The following NALF1 variants were observed in gnomAD, a reference collection of about 807,000 sequenced individuals.
NALF1 encodes NALCN channel auxiliary factor 1.
NALF1 carries 3 observed loss-of-function variants against 48.4 expected under a neutral mutation model. That is an observed-to-expected ratio of 0.06 (90% CI 0.03 to 0.16). NALF1 has a LOEUF of 0.16. NALF1 is among the 10% of genes least tolerant of loss of function. NALF1 has a pLI of 1.00. For synonymous variants in NALF1, 262 were observed against 245.7 expected, an observed-to-expected ratio of 1.07 and a Z score of -0.62; for missense variants, 526 against 571.5, an observed-to-expected ratio of 0.92 and a Z score of 0.81.
At chr13:107,307,008 C>G (rs1040533832) in intron 1 of NALF1, among the ~76,000 whole-genome samples, 6 of 152,214 alleles carry the variant, frequency 3.9e-5, no homozygotes, top group Middle Eastern at 3.4e-3. Flanking sequence ...CACGTTTTTG[C>G]CATGGGAAGT....
chr13:107,700,090 A>T (rs1881784710), intron 1 of NALF1, among the ~76,000 whole-genome samples: 1 of 152,042 alleles, frequency 6.6e-6, no homozygotes, highest in Non-Finnish European at 1.5e-5. Flanking sequence ...AAAGTAATAT[A>T]TAGATTCAAT....
At chr13:107,530,174 G>C (rs1229018012) in intron 1 of NALF1, among the ~76,000 whole-genome samples, 1 of 151,970 alleles carries the variant, frequency 6.6e-6, no homozygotes, top group Non-Finnish European at 1.5e-5. Flanking sequence ...AATGAGGCAG[G>C]CTCAGTCTTA....
At chr13:107,586,505 G>T (rs1878460747) in intron 1 of NALF1, among the ~76,000 whole-genome samples, 1 of 149,352 alleles carries the variant, frequency 6.7e-6, no homozygotes, top group Admixed American at 6.7e-5. Flanking sequence ...TTTTTTAAAG[G>T]CTATTTAAAT....
At chr13:107,380,423 T>G (rs1007234453) in intron 1 of NALF1, among the ~76,000 whole-genome samples, 4 of 152,178 alleles carry the variant, frequency 2.6e-5, no homozygotes, top group Non-Finnish European at 5.9e-5. Context: ...CTTGAACGCT[T>G]TAACCAAGGA....
chr13:107,699,332 G>A (rs1158782581), intron 1 of NALF1, among the ~76,000 whole-genome samples: 1 of 152,046 alleles, frequency 6.6e-6, no homozygotes, highest in African/African-American at 2.4e-5. Flanking sequence ...TGTTTTGATA[G>A]AGAGAAGTAA....
At chr13:107,782,309 C>T (rs1594262621) in intron 1 of NALF1, among the ~76,000 whole-genome samples, 1 of 152,346 alleles carries the variant, frequency 6.6e-6, no homozygotes, top group East Asian at 1.9e-4. Flanking sequence ...CCAGCCTCGG[C>T]CTCCGGAGGT....
intron 1 of NALF1, among the ~76,000 whole-genome samples, chr13:107,831,687 G>T (rs1400230732): frequency 2.6e-5 from 4 of 152,170 alleles, no homozygotes; most frequent in Non-Finnish European, 4.4e-5. Context: ...GACAGTAACT[G>T]ATTTCAGGGA....
chr13:107,630,228 C>T (rs1879798052), intron 1 of NALF1, among the ~76,000 whole-genome samples: 1 of 152,154 alleles, frequency 6.6e-6, no homozygotes, highest in Admixed American at 6.6e-5. Context: ...ACAAGAGTTA[C>T]TTGAAACTTT....
At chr13:107,832,644 C>A (rs1033734549) in intron 1 of NALF1, among the ~76,000 whole-genome samples, 2 of 152,114 alleles carry the variant, frequency 1.3e-5, no homozygotes, top group African/African-American at 4.8e-5. Flanking sequence ...CGCAACTCCT[C>A]GTTCTTCCTT....
At chr13:107,371,215 G>A (rs1397563668) in intron 1 of NALF1, among the ~76,000 whole-genome samples, 1 of 152,146 alleles carries the variant, frequency 6.6e-6, no homozygotes, top group Admixed American at 6.5e-5. Context: ...GGAAAGCCAA[G>A]GAGAGAGAAT....
chr13:107,450,012 T>A (rs538556046), intron 1 of NALF1, among the ~76,000 whole-genome samples: 1 of 151,604 alleles, frequency 6.6e-6, no homozygotes, highest in East Asian at 1.9e-4. Flanking sequence ...CAGGAAGAGG[T>A]GGGGGTGGAT....
chr13:107,239,043 AAGG>A (rs1226133499), intron 1 of NALF1, among the ~76,000 whole-genome samples: 1 of 152,238 alleles, frequency 6.6e-6, no homozygotes, highest in Non-Finnish European at 1.5e-5. Flanking sequence ...TAAGGATGAA[AAGG>A]AGAAGACAGG....
At chr13:107,487,687 T>G (rs1308952664) in intron 1 of NALF1, among the ~76,000 whole-genome samples, 4 of 152,194 alleles carry the variant, frequency 2.6e-5, no homozygotes, top group African/African-American at 9.7e-5. Flanking sequence ...TTGCTAGTGT[T>G]TTTTTGAGGA....
At chr13:107,475,067 A>G (rs899810456) in intron 1 of NALF1, among the ~76,000 whole-genome samples, 6 of 152,190 alleles carry the variant, frequency 3.9e-5, no homozygotes, top group African/African-American at 1.2e-4. Flanking sequence ...ATAGAACAAG[A>G]GGTTCTCATT....
intron 1 of NALF1, among the ~76,000 whole-genome samples, chr13:107,587,922 C>G (rs1003840084): frequency 6.6e-6 from 1 of 152,090 alleles, no homozygotes; most frequent in Non-Finnish European, 1.5e-5. Context: ...TTCTGTATCT[C>G]CAGGACCTAG....
chr13:107,257,346 C>T (rs1484581576), intron 1 of NALF1, among the ~76,000 whole-genome samples: 11 of 152,134 alleles, frequency 7.2e-5, no homozygotes, highest in Non-Finnish European at 1.5e-4. Context: ...GATCTCTCCT[C>T]CCATGGGGCA....
chr13:107,739,190 G>A (rs927441337), intron 1 of NALF1, among the ~76,000 whole-genome samples: 4 of 151,888 alleles, frequency 2.6e-5, no homozygotes, highest in East Asian at 1.9e-4. Context: ...AGAGAGCATC[G>A]AGACAAATAT....
intron 1 of NALF1, among the ~76,000 whole-genome samples, chr13:107,306,764 G>C (rs1284271638): frequency 6.6e-6 from 1 of 152,132 alleles, no homozygotes; most frequent in Non-Finnish European, 1.5e-5. Flanking sequence ...AGAAGTTTGA[G>C]ACCCACCTGG....
intron 1 of NALF1, among the ~76,000 whole-genome samples, chr13:107,450,554 C>T (rs1246525788): frequency 6.6e-6 from 1 of 152,102 alleles, no homozygotes; most frequent in East Asian, 1.9e-4. Context: ...AGGCTGCTTC[C>T]TGGAGTACTT....
Sources: allele counts gnomAD v4.1 joint callset (sites outside exome capture counted in the v4.1 genomes callset), GRCh38; gene constraint gnomAD v4.1.1; transcripts MANE v1.5; gene names NCBI Gene and HGNC (gene_info 2026-07-23, HGNC 2026-07-21).